The following EPHA5 variants were observed in gnomAD, a reference collection of about 807,000 sequenced individuals.
EPHA5 encodes ephrin type-A receptor 5.
A neutral mutation model predicts 105.0 loss-of-function variants in EPHA5; 60 were observed. The observed-to-expected ratio is 0.57, with a 90% CI of 0.46 to 0.71. EPHA5 has a LOEUF of 0.71. Among genes scored for constraint, EPHA5 ranks in the 30% least tolerant of loss-of-function variants. EPHA5 has a pLI of 0.00. For missense variants in EPHA5, 1,218 were observed against 1,274.7 expected (o/e 0.96, Z 0.68); for synonymous variants, 513 against 449.1 (o/e 1.14, Z -1.80).
intron 2 of EPHA5, among the ~76,000 whole-genome samples, chr4:65,609,092 C>G (rs750728625): frequency 6.6e-6 from 1 of 152,206 alleles, no homozygotes; most frequent in East Asian, 1.9e-4. Context: ...CATTGGGCAA[C>G]AGAAGCATCT....
At chr4:65,517,407 A>G (rs1014032382) in intron 3 of EPHA5, among the ~76,000 whole-genome samples, 1 of 151,790 alleles carries the variant, frequency 6.6e-6, no homozygotes, top group Non-Finnish European at 1.5e-5. Flanking sequence ...ATTTATTCAG[A>G]ATATTCATTT....
intron 5 of EPHA5, among the ~76,000 whole-genome samples, chr4:65,462,865 C>A (rs1400274994): frequency 6.6e-6 from 1 of 151,960 alleles, no homozygotes; most frequent in African/African-American, 2.4e-5. Flanking sequence ...ATTTTTATAC[C>A]CTACTATATG....
intron 2 of EPHA5, among the ~76,000 whole-genome samples, chr4:65,619,986 C>G (rs1395617418): frequency 6.6e-6 from 1 of 150,662 alleles, no homozygotes; most frequent in African/African-American, 2.4e-5. Flanking sequence ...TGACCCAGAA[C>G]AGAGTTTTAA....
At chr4:65,342,451 C>T (rs1721819786) in intron 14 of EPHA5, among the ~76,000 whole-genome samples, 1 of 151,858 alleles carries the variant, frequency 6.6e-6, no homozygotes, top group Non-Finnish European at 1.5e-5. Flanking sequence ...CCTCATACCC[C>T]TTCTTTAGTT....
intron 1 of EPHA5, among the ~76,000 whole-genome samples, chr4:65,645,336 G>A (rs1748025586): frequency 6.6e-6 from 1 of 151,952 alleles, no homozygotes; most frequent in Non-Finnish European, 1.5e-5. Flanking sequence ...CTTTTATATT[G>A]AGCAGCAGCA....
At chr4:65,606,372 A>G (rs2149448936) in intron 2 of EPHA5, among the ~76,000 whole-genome samples, 1 of 152,306 alleles carries the variant, frequency 6.6e-6, no homozygotes, top group Non-Finnish European at 1.5e-5. Context: ...CTAATTTGGA[A>G]TAATTCAAAC....
intron 3 of EPHA5, among the ~76,000 whole-genome samples, chr4:65,497,752 C>T (rs1732085129): frequency 4.6e-5 from 7 of 152,056 alleles, no homozygotes; most frequent in Admixed American, 4.6e-4. Context: ...TATAACACTG[C>T]TGTTCAAACC....
At chr4:65,571,907 A>C (rs1740230398) in intron 3 of EPHA5, among the ~76,000 whole-genome samples, 1 of 152,048 alleles carries the variant, frequency 6.6e-6, no homozygotes, top group Non-Finnish European at 1.5e-5. Flanking sequence ...TGCCTTCCAA[A>C]AACCTGTTAT....
intron 1 of EPHA5, among the ~76,000 whole-genome samples, chr4:65,647,273 G>C (rs1207017298): frequency 1.4e-5 from 2 of 143,948 alleles, no homozygotes; most frequent in African/African-American, 5.2e-5. Context: ...AGCTTGCAGT[G>C]AGCTGAGATT....
Position 65,601,861 on chromosome 4 carries a change from A to G in EPHA5, c.690T>C (p.Tyr230=), listed in dbSNP as rs764464304. Residue 230 remains tyrosine (Y), a synonymous_variant, in exon 3 of 17, where the codon TAT becomes TAC. Coordinates refer to ENST00000613740, the MANE Select transcript of EPHA5 (RefSeq NM_001281766.3). ...CIALVSVRVY[Y]KKCPSVVRHL... ...GTCGTACCACAGAAGGGCATTTTTT[A>G]TAGTATACACGCACAGAAACCAGAG... 1.2e-5 allele frequency: 19 copies of G among 1,614,146 alleles called. No individual in the cohort carries two copies. The highest frequency in any genetic ancestry group is 1.6e-5 in the Non-Finnish European group (19 of 1,180,016).
intron 3 of EPHA5, among the ~76,000 whole-genome samples, chr4:65,507,758 AT>A (rs1296572198): frequency 2.0e-5 from 3 of 151,912 alleles, no homozygotes; most frequent in Non-Finnish European, 4.4e-5. Context: ...GCTTAAGGAG[AT>A]TTTGGCTGAG....
intron 5 of EPHA5, among the ~76,000 whole-genome samples, chr4:65,477,318 G>C (rs988043450): frequency 6.6e-6 from 1 of 152,112 alleles, no homozygotes; most frequent in African/African-American, 2.4e-5. Context: ...GAGCATTCTG[G>C]CTCTAGTATA....
At chr4:65,348,616 C>A in intron 13 of EPHA5, among the ~76,000 whole-genome samples, 1 of 137,354 alleles carries the variant, frequency 7.3e-6, no homozygotes. Context: ...TGAATGTGAC[C>A]CTGAGCTGTT....
chr4:65,532,671 GTT>G (rs5858965), intron 3 of EPHA5, among the ~76,000 whole-genome samples: 55,769 of 107,802 alleles, frequency 0.52, 11,318 homozygotes, highest in East Asian at 0.58. Flanking sequence ...ATTGGTTACA[GTT>G]TTTTTTTTTT....
intron 3 of EPHA5, among the ~76,000 whole-genome samples, chr4:65,599,578 C>T (rs752003539): frequency 1.3e-5 from 2 of 152,100 alleles, no homozygotes; most frequent in Non-Finnish European, 1.5e-5. Flanking sequence ...TACCAGCAAG[C>T]GTTAATCATA....
chr4:65,571,227 T>C lies in EPHA5; in HGVS notation c.910+30414A>G, dbSNP rs1317195888. On this transcript the variant is annotated intron_variant, in intron 3 of 16. Transcript: ENST00000613740. ...GGAAAAATGTGAGTAGGGGAGACTATATCTTAAATTTACTTTAAAAAGGAA... is the reference window on the plus strand; with the variant it reads ...GGAAAAATGTGAGTAGGGGAGACTACATCTTAAATTTACTTTAAAAAGGAA... 3.3e-5 allele frequency among the ~76,000 whole-genome samples: 5 copies of C among 151,948 alleles called. No homozygotes were observed. The East Asian group carries it at 9.6e-4, about 29-fold the overall frequency.
chr4:65,557,704 T>C (rs973204244), intron 3 of EPHA5, among the ~76,000 whole-genome samples: 1 of 151,946 alleles, frequency 6.6e-6, no homozygotes, highest in Non-Finnish European at 1.5e-5. Flanking sequence ...GGAGCAAGAA[T>C]ACATAGATGC....
chr4:65,333,056 A>G (rs1720793381), intron 15 of EPHA5, among the ~76,000 whole-genome samples: 1 of 151,860 alleles, frequency 6.6e-6, no homozygotes, highest in African/African-American at 2.4e-5. Context: ...TAATGACACT[A>G]CGTTCATATT....
rs145221313 is a variant in EPHA5 at position 65,627,901 on chromosome 4, A to T, written c.246+15462T>A. 3.7e-3 allele frequency among the ~76,000 whole-genome samples: 560 copies of T among 152,240 alleles called. 4 individuals are homozygous for T. The highest frequency in any genetic ancestry group is 0.013 in the African/African-American group (545 of 41,532). On this transcript the variant is annotated intron_variant, in intron 2 of 16. Transcript: ENST00000613740. ...CATATTTCAAATCAGTCAAAAAAATAAAAGCATAAACTATGTGTATTAAAA... is the reference window on the plus strand; with the variant it reads ...CATATTTCAAATCAGTCAAAAAAATTAAAGCATAAACTATGTGTATTAAAA...
Sources: gnomAD v4.1 joint callset for allele counts (sites outside exome capture counted in the v4.1 genomes callset) on GRCh38, gnomAD v4.1.1 for gene constraint, MANE v1.5 for transcripts, NCBI Gene and HGNC (gene_info 2026-07-23, HGNC 2026-07-21) for gene names.